ELK3: variants seen among roughly 807,000 people sequenced by gnomAD.
The protein encoded by ELK3 is ETS transcription factor ELK3.
ELK3 carries 10 observed loss-of-function variants against 28.9 expected under a neutral mutation model. That is an observed-to-expected ratio of 0.35 (90% CI 0.21 to 0.59). The LOEUF (loss-of-function observed/expected upper bound fraction) is 0.59. ELK3 is among the 20% of genes least tolerant of loss of function. The pLI is 0.82. For missense variants in ELK3, 463 were observed against 517.3 expected, an observed-to-expected ratio of 0.90 and a Z score of 1.02; for synonymous variants, 272 against 243.5, an observed-to-expected ratio of 1.12 and a Z score of -1.09.
chr12:96,212,744 T>C (rs1268028891), intron 1 of ELK3: 4 of 152,160 alleles, frequency 2.6e-5, no homozygotes, highest in Non-Finnish European at 5.9e-5. Context: ...AATGAAGATG[T>C]GTGTGTGTTG....
In ELK3 at chr12:96,259,751, G is replaced by A. The variant is rs902139789; in HGVS notation, c.1023G>A (p.Leu341=). 4.3e-6 allele frequency: 7 copies of A among 1,610,124 alleles called. No homozygotes were observed. The Admixed American group carries it at 6.7e-5, about 15-fold the overall frequency. ...CCCAGACACCAAATGGATTGCTTCT[G>A]ACTCCGAGTCCACTGCTCTCCAGCA... is the stretch of plus-strand genomic sequence containing the variant. ...FTAQTPNGLL[L]TPSPLLSSIH... The change falls in exon 4 of 5, where the codon CTG becomes CTA. Residue 341 remains leucine (L), a synonymous_variant. Coordinates refer to ENST00000228741, the MANE Select transcript of ELK3 (RefSeq NM_005230.4).
intron 3 of ELK3, among the ~76,000 whole-genome samples, chr12:96,255,305 G>C (rs777725986): frequency 1.3e-5 from 2 of 152,142 alleles, no homozygotes; most frequent in Non-Finnish European, 2.9e-5. Context: ...GGGTGGAAAA[G>C]TCCAGCTGCA....
intron 1 of ELK3, among the ~76,000 whole-genome samples, chr12:96,217,907 C>CAGG (rs1255471625): frequency 4.2e-5 from 6 of 142,808 alleles, no homozygotes; most frequent in Non-Finnish European, 7.4e-5. Flanking sequence ...CACTGCACTC[C>CAGG]AGCCTGAGGG....
At chr12:96,239,841 C>T (rs983661880) in intron 2 of ELK3, among the ~76,000 whole-genome samples, 1 of 152,224 alleles carries the variant, frequency 6.6e-6, no homozygotes, top group Non-Finnish European at 1.5e-5. Context: ...TCTGAGAAGC[C>T]GCCGGGAGCA....
intron 1 of ELK3, among the ~76,000 whole-genome samples, chr12:96,216,824 T>C (rs1178949138): frequency 6.6e-6 from 1 of 152,130 alleles, no homozygotes; most frequent in Non-Finnish European, 1.5e-5. Context: ...CACAGAAAGG[T>C]TAAGTAACTT....
At chr12:96,244,362 A>G (rs1365098443) in intron 2 of ELK3, among the ~76,000 whole-genome samples, 1 of 151,878 alleles carries the variant, frequency 6.6e-6, no homozygotes, top group Non-Finnish European at 1.5e-5. Flanking sequence ...TGTCATTTTT[A>G]TCACAGCCCT....
At chr12:96,255,919 C>G (rs1369156659) in intron 3 of ELK3, among the ~76,000 whole-genome samples, 1 of 152,196 alleles carries the variant, frequency 6.6e-6, no homozygotes, top group Admixed American at 6.5e-5. Context: ...CCCTAGACCC[C>G]TAGGTAGGAA....
At chr12:96,259,651 A>G (rs759822175) in intron 3 of ELK3, 80 bp from the exon 4 acceptor site, 63 of 1,476,684 alleles carry the variant, frequency 4.3e-5, no homozygotes, top group Non-Finnish European at 5.3e-5. Flanking sequence ...TAGCCTACCT[A>G]ACCTCTCTCT....
At chr12:96,219,325 G>A (rs953702555) in intron 1 of ELK3, among the ~76,000 whole-genome samples, 5 of 151,818 alleles carry the variant, frequency 3.3e-5, no homozygotes, top group African/African-American at 7.3e-5. Flanking sequence ...TTTTTTTTCC[G>A]GTGAGAGAGA....
At chr12:96,253,247 C>T (rs1398703235) in intron 3 of ELK3, among the ~76,000 whole-genome samples, 6 of 152,210 alleles carry the variant, frequency 3.9e-5, no homozygotes, top group South Asian at 2.1e-4. Context: ...ACAACAAGAG[C>T]GAAACTCGCA....
At chr12:96,260,785 C>G (rs189468972) in intron 4 of ELK3, among the ~76,000 whole-genome samples, 1 of 152,344 alleles carries the variant, frequency 6.6e-6, no homozygotes, top group African/African-American at 2.4e-5. Context: ...CTTTTCTCAT[C>G]GTCCCTGCCT....
chr12:96,220,866 T>C (rs1331615984), intron 1 of ELK3, among the ~76,000 whole-genome samples: 3 of 152,176 alleles, frequency 2.0e-5, no homozygotes, highest in Non-Finnish European at 4.4e-5. Context: ...TTTATTTTTC[T>C]CACAAGTCAG....
chr12:96,223,492 A>G (rs1282584948), intron 1 of ELK3, 73 bp from the exon 2 acceptor site: 2 of 1,474,486 alleles, frequency 1.4e-6, no homozygotes, highest in African/African-American at 2.8e-5. Flanking sequence ...CCCATTCTGA[A>G]GCCCCCTCTC....
At chr12:96,228,523 C>T (rs1951720863) in intron 2 of ELK3, among the ~76,000 whole-genome samples, 1 of 151,708 alleles carries the variant, frequency 6.6e-6, no homozygotes, top group South Asian at 2.1e-4. Flanking sequence ...TATTATGGCC[C>T]TTTTCACTTA....
chr12:96,202,998 T>C (rs554856214), intron 1 of ELK3, among the ~76,000 whole-genome samples: 139 of 152,252 alleles, frequency 9.1e-4, no homozygotes, highest in African/African-American at 3.3e-3. Flanking sequence ...TTCTTCTGCC[T>C]CAGCCTCCCA....
intron 1 of ELK3, among the ~76,000 whole-genome samples, chr12:96,218,937 C>T (rs959951149): frequency 1.3e-5 from 2 of 152,046 alleles, no homozygotes; most frequent in East Asian, 3.9e-4. Flanking sequence ...CGTGAGCCAC[C>T]GCGCCCGGCC....
chr12:96,267,027 A>T (rs1295168031), intron 4 of ELK3, 55 bp from the exon 5 acceptor site: 1 of 1,467,006 alleles, frequency 6.8e-7, no homozygotes, highest in Non-Finnish European at 9.4e-7. Flanking sequence ...AAAGAACCTA[A>T]GTTCTTCCCA....
chr12:96,235,766 C>G lies in ELK3; in HGVS notation c.208-11174C>G, dbSNP rs558714767. ...AAGGTCAAGGTCAGTGTTAGCAGCTCCCCCACCCAGCAGGGGAAAGGGAAA... is the reference window on the plus strand; with the variant it reads ...AAGGTCAAGGTCAGTGTTAGCAGCTGCCCCACCCAGCAGGGGAAAGGGAAA... On this transcript the variant is annotated intron_variant, in intron 2 of 4. Transcript: ENST00000228741. 3.9e-4 allele frequency among the ~76,000 whole-genome samples: 59 copies of G among 152,244 alleles called. 1 individual carries two copies. Among genetic ancestry groups the G allele is most frequent in the Admixed American group, 3.2e-3 (49 of 15,288 alleles).
intron 1 of ELK3, among the ~76,000 whole-genome samples, chr12:96,195,243 G>A (rs961578682): frequency 2.6e-5 from 4 of 151,774 alleles, no homozygotes; most frequent in African/African-American, 7.3e-5. Context: ...CAGGGATGGA[G>A]AGGGCGGTGG....
Sources: allele counts gnomAD v4.1 joint callset (sites outside exome capture counted in the v4.1 genomes callset), GRCh38; gene constraint gnomAD v4.1.1; transcripts MANE v1.5; gene names NCBI Gene and HGNC (gene_info 2026-07-23, HGNC 2026-07-21).